COL13A1: variants seen among roughly 807,000 people sequenced by gnomAD.
COL13A1 encodes the protein collagen type XIII alpha 1 chain, also known as collagen alpha-1(XIII) chain.
A neutral mutation model predicts 130.9 loss-of-function variants in COL13A1; 89 were observed. That is an observed-to-expected ratio of 0.68 (90% CI 0.57 to 0.81). COL13A1 has a LOEUF of 0.81. COL13A1 is among the 30% of genes least tolerant of loss of function. COL13A1 has a pLI of 0.00. For synonymous variants in COL13A1, 402 were observed against 341.6 expected (o/e 1.18, Z -1.95); for missense variants, 879 against 934.6 (o/e 0.94, Z 0.78).
chr10:69,905,018 G>C lies in COL13A1; in HGVS notation c.885+59G>C, dbSNP rs940096291. ...TGGGAGAATTCCCTGCAGGAGGGAG[G>C]GGGAGGCAGCACAGAAGGTGACTGA... On this transcript the variant is annotated intron_variant, in intron 16 of 40. Coordinates refer to ENST00000645393, the MANE Select transcript of COL13A1 (RefSeq NM_001368882.1). 4 of 1,539,252 alleles carry C rather than the reference G, an allele frequency of 2.6e-6. No homozygotes were observed. In the African/African-American group the frequency reaches 5.5e-5, roughly 21 times the overall value.
At chr10:69,912,550 C>A (rs2063496337) in intron 17 of COL13A1, among the ~76,000 whole-genome samples, 1 of 150,620 alleles carries the variant, frequency 6.6e-6, no homozygotes, top group Non-Finnish European at 1.5e-5. Context: ...CCGACCGCCC[C>A]CCACCCCCAC....
intron 2 of COL13A1, among the ~76,000 whole-genome samples, chr10:69,857,013 A>G (rs1333449976): frequency 1.3e-5 from 2 of 152,126 alleles, no homozygotes; most frequent in Non-Finnish European, 2.9e-5. Context: ...CCCTGGGCCC[A>G]CTGTCCCTAT....
chr10:69,811,457 G>C (rs1412133622), intron 1 of COL13A1, among the ~76,000 whole-genome samples: 6 of 152,190 alleles, frequency 3.9e-5, no homozygotes, highest in African/African-American at 1.4e-4. Context: ...TGAAGAAAGG[G>C]GGCTGGGTTA....
intron 1 of COL13A1, 29 bp downstream of exon 1, chr10:69,802,746 C>T (rs746241816): frequency 1.9e-6 from 3 of 1,606,456 alleles, no homozygotes; most frequent in Non-Finnish European, 1.7e-6. Context: ...TGGCTTTTAT[C>T]CCTCCCCGCG....
intron 2 of COL13A1, among the ~76,000 whole-genome samples, chr10:69,861,237 C>T (rs538299653): frequency 1.3e-5 from 2 of 152,274 alleles, no homozygotes; most frequent in East Asian, 1.9e-4. Flanking sequence ...CCAAGTGCCC[C>T]GCCAGGCTGC....
chr10:69,815,349 C>G (rs144809544), intron 1 of COL13A1, among the ~76,000 whole-genome samples: 3,450 of 152,242 alleles, frequency 0.023, 99 homozygotes, highest in Non-Finnish European at 0.027. Flanking sequence ...GGCATTTTCC[C>G]TTTGATACTG....
intron 2 of COL13A1, among the ~76,000 whole-genome samples, chr10:69,862,097 A>G (rs1858291390): frequency 6.6e-6 from 1 of 152,206 alleles, no homozygotes; most frequent in Admixed American, 6.5e-5. Flanking sequence ...AGAGATGCCC[A>G]CAGTTGGCTC....
chr10:69,948,463 G>A (rs144549166), intron 38 of COL13A1, among the ~76,000 whole-genome samples: 251 of 152,178 alleles, frequency 1.6e-3, no homozygotes, highest in East Asian at 5.0e-3. Flanking sequence ...GAGCAGCAGC[G>A]CCACCCCTGC....
At chr10:69,831,918 C>T (rs1292619947) in intron 2 of COL13A1, among the ~76,000 whole-genome samples, 1 of 152,148 alleles carries the variant, frequency 6.6e-6, no homozygotes, top group East Asian at 1.9e-4. Context: ...ACAGCACCTA[C>T]CTTGTTGGAC....
chr10:69,921,795 C>A (rs2064711610), intron 21 of COL13A1, 87 bp from the exon 22 acceptor site: 1 of 1,521,880 alleles, frequency 6.6e-7, no homozygotes, highest in South Asian at 1.2e-5. Context: ...CAAGGGAAGG[C>A]AAGGCCCTAA....
chr10:69,886,678 C>T (rs1319558567), intron 7 of COL13A1, among the ~76,000 whole-genome samples: 14 of 152,184 alleles, frequency 9.2e-5, no homozygotes, highest in Admixed American at 9.2e-4. Context: ...CTCTCCATCA[C>T]CCCTGACCAC....
rs540336427 is a variant in COL13A1 at position 69,941,564 on chromosome 10, G to A, written c.1914+541G>A. On this transcript the variant is annotated intron_variant, in intron 35 of 40. Coordinates refer to ENST00000645393, the MANE Select transcript of COL13A1 (RefSeq NM_001368882.1). ...AAGCATAGAAGCCAGTCCCAGCTCT[G>A]TGTCTTATGCACGTTCTAACCACCC... 3.9e-5 allele frequency among the ~76,000 whole-genome samples: 6 copies of A among 152,316 alleles called. No homozygotes were observed. In the East Asian group the frequency reaches 7.7e-4, roughly 20 times the overall value.
At chr10:69,823,834 C>G (rs1351156609) in intron 2 of COL13A1, among the ~76,000 whole-genome samples, 1 of 152,108 alleles carries the variant, frequency 6.6e-6, no homozygotes, top group Admixed American at 6.5e-5. Context: ...GCCCGGGGGT[C>G]TGGGAAAGCT....
At chr10:69,810,347 TGAGAGAGAGAGA>T (rs55816117) in intron 1 of COL13A1, among the ~76,000 whole-genome samples, 6 of 119,834 alleles carry the variant, frequency 5.0e-5, no homozygotes, top group African/African-American at 1.8e-4. Context: ...GCCCTGAGAA[TGAGAGAGAGAGA>T]GAGAGAGAGA....
intron 25 of COL13A1, among the ~76,000 whole-genome samples, 158 bp downstream of exon 25, chr10:69,925,165 G>C (rs1219596804): frequency 6.6e-6 from 1 of 152,214 alleles, no homozygotes; most frequent in Non-Finnish European, 1.5e-5. Flanking sequence ...AGATGATTTT[G>C]AGGGCTTCAA....
chr10:69,838,384 G>A (rs1850663528), intron 2 of COL13A1, among the ~76,000 whole-genome samples: 1 of 152,226 alleles, frequency 6.6e-6, no homozygotes, highest in African/African-American at 2.4e-5. Flanking sequence ...CAATGGGCAA[G>A]TGACTTGACA....
chr10:69,830,388 A>C (rs1268872850), intron 2 of COL13A1, among the ~76,000 whole-genome samples: 3 of 152,266 alleles, frequency 2.0e-5, no homozygotes, highest in Non-Finnish European at 4.4e-5. Context: ...TACTTTCATC[A>C]ATGAAAATGC....
At chr10:69,931,238 TG>T in intron 30 of COL13A1, 1 of 455,744 alleles carries the variant, frequency 2.2e-6, no homozygotes, top group Non-Finnish European at 4.4e-6. Flanking sequence ...CTAATCCAGC[TG>T]GGCTCCTGAG....
chr10:69,947,174 G>A (rs976816043), intron 37 of COL13A1, 133 bp from the exon 38 acceptor site: 13 of 774,220 alleles, frequency 1.7e-5, no homozygotes, highest in Admixed American at 7.2e-5. Flanking sequence ...TCCCCTTTCC[G>A]TGTAGTGGGA....
Sources: allele counts gnomAD v4.1 joint callset (sites outside exome capture counted in the v4.1 genomes callset), GRCh38; gene constraint gnomAD v4.1.1; transcripts MANE v1.5; gene names NCBI Gene and HGNC (gene_info 2026-07-23, HGNC 2026-07-21).